The following STAC2 variants were observed in gnomAD, a reference collection of about 807,000 sequenced individuals.
The protein encoded by STAC2 is SH3 and cysteine rich domain 2, also known as SH3 and cysteine-rich domain-containing protein 2.
STAC2 carries 36 observed loss-of-function variants against 49.0 expected under a neutral mutation model. That is an observed-to-expected ratio of 0.74 (90% CI 0.56 to 0.97). The LOEUF is 0.97. Among genes scored for constraint, STAC2 ranks in the 50% least tolerant of loss-of-function variants. The pLI, the probability that STAC2 is intolerant of heterozygous loss-of-function variation, is 0.00. For synonymous variants in STAC2, 239 were observed against 214.7 expected (o/e 1.11, Z -0.99); for missense variants, 527 against 543.8 (o/e 0.97, Z 0.31).
chr17:39,220,768 G>A (rs1375940581), intron 1 of STAC2, among the ~76,000 whole-genome samples: 1 of 151,164 alleles, frequency 6.6e-6, no homozygotes, highest in Non-Finnish European at 1.5e-5. Flanking sequence ...CACTGCACCC[G>A]GCCTATCATT....
intron 10 of STAC2, 139 bp downstream of exon 10, chr17:39,212,856 C>T: frequency 1.4e-6 from 2 of 1,416,362 alleles, no homozygotes; most frequent in South Asian, 2.8e-5. Context: ...CCCTGCAACC[C>T]TTTCTTTCTA....
intron 1 of STAC2, among the ~76,000 whole-genome samples, chr17:39,224,033 G>C (rs1449152276): frequency 6.6e-6 from 1 of 152,122 alleles, no homozygotes; most frequent in African/African-American, 2.4e-5. Context: ...TGAATGTGGA[G>C]ACCTGCTGGG....
Position 39,217,839 on chromosome 17 carries a change from G to C in STAC2, c.397+28C>G, listed in dbSNP as rs768134314. 3.2e-6 allele frequency: 5 copies of C among 1,578,726 alleles called. No individual in the cohort carries two copies. The Admixed American group carries it at 7.2e-5, about 23-fold the overall frequency. On this transcript the variant is annotated intron_variant, in intron 2 of 10. Transcript: ENST00000333461. ...CCAGTACCCACGCTGGCCCCTCCCC[G>C]TGGCCGCCTCAGTGCCCAGGCACCT... is the stretch of plus-strand genomic sequence containing the variant.
chr17:39,219,252 T>C (rs1478983204), intron 1 of STAC2, among the ~76,000 whole-genome samples: 3 of 152,184 alleles, frequency 2.0e-5, no homozygotes, highest in African/African-American at 7.2e-5. Flanking sequence ...TCTCAATTCA[T>C]TGAGAATTGA....
intron 4 of STAC2, 64 bp downstream of exon 4, chr17:39,216,746 A>G (rs2046405694): frequency 4.8e-6 from 7 of 1,447,396 alleles, no homozygotes; most frequent in Non-Finnish European, 3.8e-6. Flanking sequence ...CAGGCTGGTC[A>G]GGGATGTTGA....
At position 39,225,773 on chromosome 17, in the gene STAC2, G is replaced by T. The variant is rs916220113; in HGVS notation, c.-271C>A. 1 of 481,294 alleles carries T rather than the reference G, an allele frequency of 2.1e-6. No individual in the cohort carries two copies. The highest frequency in any genetic ancestry group is 3.7e-6 in the Non-Finnish European group (1 of 268,958). 29.8% of individuals were successfully genotyped at this position (481,294 alleles called of 1,614,324 possible). The stretch of plus-strand genomic sequence containing the variant: ...CTGCAGAGGATGCTGCTCGCAGCGC[G>T]GGGAGGAGGGAAGTGGGGCCGCGGG... On this transcript the variant is annotated 5_prime_UTR_variant, in exon 1 of 11. Coordinates refer to ENST00000333461, the MANE Select transcript of STAC2 (RefSeq NM_198993.5). The surrounding 1 kb of genome is among the most constrained non-coding windows in gnomAD (Gnocchi z 8.2).
rs559899043 is a variant in STAC2, at chr17:39,220,946, G to A, written c.91-2773C>T. ...CGAGTAGCTAGGACTACAGGCGCCC[G>A]CCACCACGCCTGGCTAATTTTTTGT... is the stretch of plus-strand genomic sequence containing the variant. On this transcript the variant is annotated intron_variant, in intron 1 of 10. Transcript: ENST00000333461. Among the ~76,000 whole-genome samples the A allele has an allele frequency of 1.8e-3, 273 of 151,060 alleles. 1 individual carries two copies. The highest frequency in any genetic ancestry group is 6.1e-3 in the African/African-American group (252 of 41,028).
chr17:39,215,318 C>A, intron 4 of STAC2, 88 bp from the exon 5 acceptor site: 1 of 1,347,054 alleles, frequency 7.4e-7, no homozygotes, highest in East Asian at 2.4e-5. Flanking sequence ...CTGAGCTTCC[C>A]AGCTGCCCCC....
chr17:39,215,246 C>T lies in STAC2; in HGVS notation c.587-16G>A, dbSNP rs1567829296. ...CCACTGTCCCCTGCAGATTATCCAC[C>T]CTCAAGGCCTGGCTCTGCCTCAAAG... On this transcript the variant is annotated splice_polypyrimidine_tract_variant and intron_variant, in intron 4 of 10. Coordinates refer to ENST00000333461, the MANE Select transcript of STAC2 (RefSeq NM_198993.5). 1.2e-6 allele frequency: 2 copies of T among 1,613,152 alleles called. No homozygotes were observed. Among genetic ancestry groups the T allele is most frequent in the Non-Finnish European group, 1.7e-6 (2 of 1,179,344 alleles).
chr17:39,220,501 G>A (rs1357765666), intron 1 of STAC2, among the ~76,000 whole-genome samples: 1 of 149,904 alleles, frequency 6.7e-6, no homozygotes, highest in African/African-American at 2.5e-5. Context: ...TTTTGATGGA[G>A]TCTCACTCTG....
chr17:39,225,559 C>T lies in STAC2; in HGVS notation c.-57G>A, dbSNP rs2046505882. 1 of 1,554,800 alleles carries T rather than the reference C, an allele frequency of 6.4e-7. No homozygotes were observed. On this transcript the variant is annotated 5_prime_UTR_variant, in exon 1 of 11. Transcript: ENST00000333461. This position sits in a 1 kb window ranked among gnomAD's most constrained non-coding sequence, Gnocchi z 8.2. ...GATCCGACGGCAGGCCCACCGCGGG[C>T]AGGCTGCGGGTGGCGGGCGTCTCCG... is the stretch of plus-strand genomic sequence containing the variant.
At chr17:39,214,547 A>T (rs1233366540) in intron 7 of STAC2, 1 of 844,736 alleles carries the variant, frequency 1.2e-6, no homozygotes. Flanking sequence ...TGCCTGCTGT[A>T]CCCTGGGGCT....
chr17:39,217,019 C>G (rs917879949), intron 3 of STAC2, 57 bp downstream of exon 3: 32 of 1,608,872 alleles, frequency 2.0e-5, no homozygotes, highest in Non-Finnish European at 2.6e-5. Flanking sequence ...ACTCATTCTC[C>G]CATGTGACAG....
intron 1 of STAC2, among the ~76,000 whole-genome samples, chr17:39,220,632 G>A (rs1477352875): frequency 6.6e-6 from 1 of 151,614 alleles, no homozygotes; most frequent in Non-Finnish European, 1.5e-5. Context: ...CTGCCACCAT[G>A]CCCGGCTAAT....
In STAC2 at chr17:39,211,038, C is replaced by A. The variant is rs1383126674; in HGVS notation, c.*1254G>T. On this transcript the variant is annotated 3_prime_UTR_variant, in exon 11 of 11. Coordinates refer to ENST00000333461, the MANE Select transcript of STAC2 (RefSeq NM_198993.5). ...AGCCAGCAAAGGGGCTCCTGCAGCA[C>A]CTGCCCTGTCCCCTGCAGAGCCTGG... 6.6e-6 allele frequency: 1 copy of A among 152,490 alleles called. No homozygotes were observed. The highest frequency in any genetic ancestry group is 6.5e-5 in the Admixed American group (1 of 15,288). The allele number at this position is 152,490 out of a possible 1,614,324, so 9.4% of individuals were successfully genotyped here.
chr17:39,215,807 A>T (rs2046397160), intron 4 of STAC2, among the ~76,000 whole-genome samples: 1 of 151,974 alleles, frequency 6.6e-6, no homozygotes, highest in South Asian at 2.1e-4. Context: ...GGGTTCAAGC[A>T]ATTCTCCTGC....
chr17:39,215,015 C>T lies in STAC2; in HGVS notation c.708G>A (p.Arg236=). 6.2e-7 allele frequency: 1 copy of T among 1,614,106 alleles called. No individual in the cohort carries two copies. Among genetic ancestry groups the T allele is most frequent in the Non-Finnish European group, 8.5e-7 (1 of 1,180,004 alleles). ...SESPTRSLSE[R]DELTEDGEGS... is the part of the protein sequence containing the mutation. The stretch of plus-strand genomic sequence containing the variant: ...CTTCCCCATCCTCGGTCAGCTCATC[C>T]CGCTCACTCTAGGGACAGAGAGAGG... Residue 236 remains arginine (R), a synonymous_variant, in exon 6 of 11, where the codon CGG becomes CGA. Transcript: ENST00000333461.
chr17:39,215,926 C>T (rs1306302650), intron 4 of STAC2, among the ~76,000 whole-genome samples: 6 of 152,034 alleles, frequency 3.9e-5, no homozygotes, highest in Non-Finnish European at 1.5e-5. Flanking sequence ...ACTCCTGACA[C>T]TGTGATCCGC....
At chr17:39,224,325 G>C (rs1028369959) in intron 1 of STAC2, among the ~76,000 whole-genome samples, 1 of 152,220 alleles carries the variant, frequency 6.6e-6, no homozygotes, top group Admixed American at 6.5e-5. Flanking sequence ...CCGGGTGAAG[G>C]GGGAGGGAGG....
Sources: gnomAD v4.1 joint callset for allele counts (sites outside exome capture counted in the v4.1 genomes callset) on GRCh38, gnomAD v4.1.1 for gene constraint, Gnocchi (gnomAD v3.1) non-coding constraint, MANE v1.5 for transcripts, NCBI Gene and HGNC (gene_info 2026-07-23, HGNC 2026-07-21) for gene names.